The following COL25A1 variants were observed in gnomAD, a reference collection of about 807,000 sequenced individuals.
The protein encoded by COL25A1 is collagen alpha-1(XXV) chain.
A neutral mutation model predicts 128.4 loss-of-function variants in COL25A1; 103 were observed. The ratio of observed to expected loss-of-function variants is 0.80; its 90% CI spans 0.68 to 0.94. The LOEUF (loss-of-function observed/expected upper bound fraction) is 0.94. COL25A1 is among the 40% of genes least tolerant of loss of function. The probability of loss-of-function intolerance (pLI) is 0.00; values close to 1 mark genes in which losing one functional copy is unlikely to be tolerated. For synonymous variants in COL25A1, 279 were observed against 277.2 expected (o/e 1.01, Z -0.06); for missense variants, 745 against 840.0 (o/e 0.89, Z 1.40).
At chr4:109,233,714 C>T (rs765137670) in intron 3 of COL25A1, among the ~76,000 whole-genome samples, 4 of 152,046 alleles carry the variant, frequency 2.6e-5, no homozygotes, top group Admixed American at 1.3e-4. Context: ...GACTAATAAA[C>T]GAGGCCTTTG....
In COL25A1 at chr4:109,185,971, A is replaced by G. The variant is rs573226944; in HGVS notation, c.367+114612T>C. The stretch of plus-strand genomic sequence containing the variant: ...TTTCTGTTGTTTAAGCCACCCAGTC[A>G]TAATACATAAATAAGTATTCCGTTG... On this transcript the variant is annotated intron_variant, in intron 3 of 37. Transcript: ENST00000399132. 5.9e-5 allele frequency among the ~76,000 whole-genome samples: 9 copies of G among 152,352 alleles called. No homozygotes were observed. In the South Asian group the frequency reaches 1.9e-3, roughly 32 times the overall value.
intron 3 of COL25A1, among the ~76,000 whole-genome samples, chr4:109,073,683 A>G (rs1383554622): frequency 6.6e-6 from 1 of 152,162 alleles, no homozygotes; most frequent in Non-Finnish European, 1.5e-5. Flanking sequence ...ATGCTATCAT[A>G]TCTTTCCTGG....
Position 108,941,389 on chromosome 4 carries a change from G to A in COL25A1, c.541C>T (p.Leu181Phe). The A allele has an allele frequency of 1.9e-6, 3 of 1,613,872 alleles. No homozygotes were observed. The highest frequency in any genetic ancestry group is 1.1e-5 in the South Asian group (1 of 91,074). ...NHGFLSADQQ[L>F]IKRRLIKGDQ... ...ACCTTAATCAGGCGGCGTTTAATGAGCTGCTGATCAGCAGAGAGAAACCCA... is the reference window on the plus strand; with the variant it reads ...ACCTTAATCAGGCGGCGTTTAATGAACTGCTGATCAGCAGAGAGAAACCCA... Residue 181 changes from leucine (L) to phenylalanine (F), a missense_variant, in exon 9 of 38, where the codon CTC (leucine) becomes TTC (phenylalanine). Physicochemically the swap from Leu to Phe is conservative, Grantham distance 22 (BLOSUM62 0). Coordinates refer to ENST00000399132, the MANE Select transcript of COL25A1 (RefSeq NM_198721.4).
chr4:108,816,613 G>A (rs1019858098), intron 37 of COL25A1, among the ~76,000 whole-genome samples: 4 of 152,040 alleles, frequency 2.6e-5, no homozygotes, highest in African/African-American at 9.7e-5. Context: ...CAGTTTTACT[G>A]TTGCTTTCCA....
At position 109,210,088 on chromosome 4, in the gene COL25A1, G is replaced by C. The variant is rs541109653; in HGVS notation, c.367+90495C>G. Among the ~76,000 whole-genome samples, 23 of 151,544 alleles carry C rather than the reference G, an allele frequency of 1.5e-4. No individual in the cohort carries two copies. In the South Asian group the frequency reaches 3.3e-3, roughly 22 times the overall value. On this transcript the variant is annotated intron_variant, in intron 3 of 37. Coordinates refer to ENST00000399132, the MANE Select transcript of COL25A1 (RefSeq NM_198721.4). Reference sequence around the variant, plus strand: ...AAGTAAACATCAAAATTCAGTATATGGTTCTTGTTAGGTATTAATTTCATT... The same window carrying C: ...AAGTAAACATCAAAATTCAGTATATCGTTCTTGTTAGGTATTAATTTCATT...
At chr4:109,095,416 T>C (rs1270680388) in intron 3 of COL25A1, among the ~76,000 whole-genome samples, 1 of 152,176 alleles carries the variant, frequency 6.6e-6, no homozygotes, top group Non-Finnish European at 1.5e-5. Flanking sequence ...GGGAAACTCA[T>C]TCCATTATTT....
chr4:108,815,144 TA>T (rs927569781), intron 37 of COL25A1, among the ~76,000 whole-genome samples: 55 of 152,176 alleles, frequency 3.6e-4, no homozygotes, highest in African/African-American at 1.3e-3. Flanking sequence ...AAAACTAATT[TA>T]AAAAAAGATC....
intron 6 of COL25A1, among the ~76,000 whole-genome samples, chr4:108,992,517 T>A (rs1025149): frequency 2.0e-5 from 3 of 152,162 alleles, no homozygotes; most frequent in East Asian, 1.9e-4. Context: ...CACCATGAAC[T>A]ATTTTCTATG....
chr4:108,917,402 G>A (rs1745001304), intron 13 of COL25A1, among the ~76,000 whole-genome samples: 2 of 152,120 alleles, frequency 1.3e-5, no homozygotes, highest in Admixed American at 6.5e-5. Flanking sequence ...AAGAACTCTG[G>A]GGAAGACAGG....
rs913149921 is a variant in COL25A1, at chr4:108,914,906, T to C, written c.780+3266A>G. Among the ~76,000 whole-genome samples, 6 of 152,328 alleles carry C rather than the reference T, an allele frequency of 3.9e-5. No homozygotes were observed. In the South Asian group the frequency reaches 1.2e-3, roughly 32 times the overall value. On this transcript the variant is annotated intron_variant, in intron 13 of 37. Coordinates refer to ENST00000399132, the MANE Select transcript of COL25A1 (RefSeq NM_198721.4). The stretch of plus-strand genomic sequence containing the variant: ...TATTACATAATATTCACTTTAGATA[T>C]ATTGTCTAATTAATACTACAAGGTC...
At chr4:108,861,490 A>T (rs1737218806) in intron 22 of COL25A1, among the ~76,000 whole-genome samples, 2 of 152,210 alleles carry the variant, frequency 1.3e-5, no homozygotes, top group Non-Finnish European at 2.9e-5. Flanking sequence ...GGAAAAGTTC[A>T]TCTGTAGGTA....
chr4:108,964,918 G>A (rs754572448), intron 8 of COL25A1, among the ~76,000 whole-genome samples: 6 of 152,086 alleles, frequency 3.9e-5, no homozygotes, highest in Non-Finnish European at 8.8e-5. Context: ...TCTTTCCATT[G>A]TGTTATATCC....
intron 3 of COL25A1, among the ~76,000 whole-genome samples, chr4:109,253,407 C>A (rs1325212995): frequency 6.6e-6 from 1 of 152,102 alleles, no homozygotes; most frequent in Admixed American, 6.5e-5. Context: ...AGGAGAAGAC[C>A]TATGCCCTAG....
intron 3 of COL25A1, among the ~76,000 whole-genome samples, chr4:109,093,506 G>A (rs1261024273): frequency 6.7e-6 from 1 of 149,890 alleles, no homozygotes; most frequent in Non-Finnish European, 1.5e-5. Flanking sequence ...CTGTGGTGGT[G>A]TGCCTCTGTA....
chr4:108,920,644 C>T (rs755304681), intron 11 of COL25A1, 40 bp from the exon 12 acceptor site: 16 of 1,545,984 alleles, frequency 1.0e-5, no homozygotes, highest in Non-Finnish European at 1.2e-5. Flanking sequence ...ACTATTGTAG[C>T]CATTTAAGCT....
intron 6 of COL25A1, among the ~76,000 whole-genome samples, chr4:109,009,297 G>GA (rs1393503532): frequency 6.6e-6 from 1 of 152,086 alleles, no homozygotes; most frequent in African/African-American, 2.4e-5. Flanking sequence ...ATACAAGAGT[G>GA]AAAATCACAA....
chr4:109,007,091 T>A (rs958191561), intron 6 of COL25A1, among the ~76,000 whole-genome samples: 3 of 152,230 alleles, frequency 2.0e-5, no homozygotes, highest in African/African-American at 7.2e-5. Flanking sequence ...TAAAAATAAA[T>A]AAAACCCATT....
chr4:109,224,723 T>C (rs1008253188), intron 3 of COL25A1, among the ~76,000 whole-genome samples: 1 of 152,092 alleles, frequency 6.6e-6, no homozygotes, highest in Non-Finnish European at 1.5e-5. Context: ...GTGGATCAAC[T>C]GAGGTCGAGA....
At chr4:109,046,809 A>C (rs1314949783) in intron 5 of COL25A1, among the ~76,000 whole-genome samples, 3 of 152,224 alleles carry the variant, frequency 2.0e-5, no homozygotes, top group Non-Finnish European at 4.4e-5. Flanking sequence ...TAAGTTGCCA[A>C]CGTGGAGTCT....
Sources: gnomAD v4.1 joint callset for allele counts (sites outside exome capture counted in the v4.1 genomes callset) on GRCh38, gnomAD v4.1.1 for gene constraint, MANE v1.5 for transcripts, NCBI Gene and HGNC (gene_info 2026-07-23, HGNC 2026-07-21) for gene names.